Variants in USP25 observed in about 807,000 individuals in gnomAD.
USP25 encodes the protein ubiquitin specific peptidase 25.
In USP25, 85 loss-of-function variants were observed where a neutral mutation model predicts 158.5. The observed-to-expected ratio is 0.54, with a 90% CI of 0.45 to 0.64. The LOEUF is 0.64. Among genes scored for constraint, USP25 ranks in the 30% least tolerant of loss-of-function variants. The pLI is 0.00. For synonymous variants in USP25, 464 were observed against 460.4 expected, an observed-to-expected ratio of 1.01 and a Z score of -0.10; for missense variants, 1,242 against 1,327.3, an observed-to-expected ratio of 0.94 and a Z score of 1.00.
intron 2 of USP25, among the ~76,000 whole-genome samples, chr21:15,763,358 G>A (rs1018838908): frequency 1.3e-5 from 2 of 152,056 alleles, no homozygotes; most frequent in South Asian, 2.1e-4. Flanking sequence ...ATTAATAGAA[G>A]TCTGAAAACT....
chr21:15,831,705 T>G lies in USP25; in HGVS notation c.1993+76T>G, dbSNP rs2037813383. On this transcript the variant is annotated intron_variant, in intron 16 of 25. Coordinates refer to ENST00000400183, the MANE Select transcript of USP25 (RefSeq NM_001283041.3). Reference sequence around the variant, plus strand: ...CTGGTATGTGGTGTGATTAGTTAAGTGTAATTCACTCAGACGATGAAGGAT... The same window carrying G: ...CTGGTATGTGGTGTGATTAGTTAAGGGTAATTCACTCAGACGATGAAGGAT... 1.0e-5 allele frequency: 12 copies of G among 1,178,576 alleles called. No homozygotes were observed. In the East Asian group the frequency reaches 3.0e-4, roughly 29 times the overall value. 73.0% of individuals were successfully genotyped at this position (1,178,576 alleles called of 1,614,324 possible). A position where few individuals can be genotyped will look rare whatever the true frequency, so the allele number is the denominator to read the frequency against.
At chr21:15,789,609 G>A (rs1377109957) in intron 4 of USP25, among the ~76,000 whole-genome samples, 1 of 151,952 alleles carries the variant, frequency 6.6e-6, no homozygotes, top group African/African-American at 2.4e-5. Flanking sequence ...GTCTGCACTG[G>A]TACTAGTCAA....
At chr21:15,749,410 C>T (rs2032819499) in intron 1 of USP25, among the ~76,000 whole-genome samples, 1 of 152,102 alleles carries the variant, frequency 6.6e-6, no homozygotes, top group African/African-American at 2.4e-5. Flanking sequence ...GCAAGCTTTA[C>T]CTTTGAGAGA....
At chr21:15,840,156 T>TTC (rs2038260122) in intron 17 of USP25, among the ~76,000 whole-genome samples, 5 of 152,166 alleles carry the variant, frequency 3.3e-5, no homozygotes, top group Admixed American at 2.6e-4. Flanking sequence ...ATCTTTTCTA[T>TTC]TCTTTTCTCC....
chr21:15,859,210 TG>T (rs1001780475), intron 20 of USP25, among the ~76,000 whole-genome samples: 7 of 150,080 alleles, frequency 4.7e-5, no homozygotes, highest in African/African-American at 1.7e-4. Context: ...TTTTTTTTTT[TG>T]AGACGGGGTC....
chr21:15,777,445 C>T (rs189296162), intron 3 of USP25, among the ~76,000 whole-genome samples: 117 of 152,212 alleles, frequency 7.7e-4, no homozygotes, highest in African/African-American at 2.7e-3. Flanking sequence ...TCTGAAACAT[C>T]AGTTTTTAAG....
At chr21:15,832,797 T>C (rs964045443) in intron 16 of USP25, among the ~76,000 whole-genome samples, 1 of 151,890 alleles carries the variant, frequency 6.6e-6, no homozygotes, top group Non-Finnish European at 1.5e-5. Context: ...GGTGGGCAGA[T>C]CATGAGGTCA....
At chr21:15,734,826 AATG>A (rs759009134) in intron 1 of USP25, among the ~76,000 whole-genome samples, 13 of 152,146 alleles carry the variant, frequency 8.5e-5, no homozygotes, top group African/African-American at 2.7e-4. Context: ...CTTTGCAGTG[AATG>A]ATATTTTATG....
chr21:15,752,452 G>C (rs1395090481), intron 1 of USP25, among the ~76,000 whole-genome samples: 1 of 152,050 alleles, frequency 6.6e-6, no homozygotes, highest in African/African-American at 2.4e-5. Context: ...CTGACCTTGT[G>C]ATCCACCCAT....
At chr21:15,863,576 G>A (rs1651450546) in intron 20 of USP25, among the ~76,000 whole-genome samples, 1 of 152,150 alleles carries the variant, frequency 6.6e-6, no homozygotes, top group African/African-American at 2.4e-5. Context: ...GCTTAGAAAG[G>A]TAAAACAGAA....
rs190259827 is a variant in USP25, at chr21:15,827,217, C to T, written c.1693+14C>T. On this transcript the variant is annotated intron_variant, in intron 14 of 25. Transcript: ENST00000400183. The stretch of plus-strand genomic sequence containing the variant: ...ATGACACCAGAGGTAAGAAGTGTCT[C>T]ATAGCATGGTTACTGTCACCTCAGA... 256 of 1,603,258 alleles carry T rather than the reference C, an allele frequency of 1.6e-4. 2 individuals are homozygous for T. In the Admixed American group the frequency reaches 3.9e-3, roughly 24 times the overall value.
At chr21:15,860,969 T>TAGAGAG (rs1441004914) in intron 20 of USP25, among the ~76,000 whole-genome samples, 1,906 of 141,230 alleles carry the variant, frequency 0.013, 15 homozygotes, top group Middle Eastern at 0.041. Context: ...TATATATATA[T>TAGAGAG]ATATATAGAG....
chr21:15,863,545 A>T (rs1313947047), intron 20 of USP25, among the ~76,000 whole-genome samples: 1 of 152,146 alleles, frequency 6.6e-6, no homozygotes, highest in African/African-American at 2.4e-5. Flanking sequence ...TCAACTCTAG[A>T]ATTTTAGTGT....
intron 20 of USP25, among the ~76,000 whole-genome samples, chr21:15,863,248 T>A (rs994802434): frequency 2.0e-5 from 3 of 152,100 alleles, no homozygotes; most frequent in African/African-American, 7.2e-5. Flanking sequence ...ATTTGTTATT[T>A]CCCATTATTA....
intron 1 of USP25, among the ~76,000 whole-genome samples, chr21:15,730,972 T>C (rs2030787647): frequency 7.3e-6 from 1 of 137,656 alleles, no homozygotes; most frequent in African/African-American, 2.9e-5. Context: ...TCTTCTTCTT[T>C]TCTGTTTTTT....
At chr21:15,817,911 G>C (rs1201153193) in intron 9 of USP25, among the ~76,000 whole-genome samples, 1 of 152,094 alleles carries the variant, frequency 6.6e-6, no homozygotes, top group Non-Finnish European at 1.5e-5. Context: ...ATTATACCCA[G>C]AATGTGGTGG....
At chr21:15,857,359 G>A (rs2039203455) in intron 20 of USP25, among the ~76,000 whole-genome samples, 1 of 152,128 alleles carries the variant, frequency 6.6e-6, no homozygotes, top group Non-Finnish European at 1.5e-5. Flanking sequence ...TAGCAGAGTT[G>A]ACAAGTCAAA....
chr21:15,857,524 T>A (rs565762768), intron 20 of USP25, among the ~76,000 whole-genome samples: 3 of 152,176 alleles, frequency 2.0e-5, no homozygotes, highest in Admixed American at 6.5e-5. Flanking sequence ...GTCAGTTTTT[T>A]TCATAAATAT....
intron 1 of USP25, among the ~76,000 whole-genome samples, chr21:15,753,202 G>A (rs533652258): frequency 1.4e-4 from 22 of 152,174 alleles, no homozygotes; most frequent in Non-Finnish European, 2.9e-4. Flanking sequence ...GGTAGGTCAC[G>A]TGTTATGGTA....
Sources: allele counts gnomAD v4.1 joint callset (sites outside exome capture counted in the v4.1 genomes callset), GRCh38; gene constraint gnomAD v4.1.1; transcripts MANE v1.5; gene names NCBI Gene and HGNC (gene_info 2026-07-23, HGNC 2026-07-21).